Variants in SLC25A48 observed in about 807,000 individuals in gnomAD.
The protein encoded by SLC25A48 is CTC-321K16.1.
Under a neutral mutation model 32.2 loss-of-function variants are expected in SLC25A48, and 29 were observed. The ratio of observed to expected loss-of-function variants is 0.90; its 90% CI spans 0.67 to 1.23. The LOEUF (loss-of-function observed/expected upper bound fraction) is 1.23, where lower values mean the gene tolerates loss of function less well. Ranked by LOEUF, SLC25A48 falls within the 50% of genes most tolerant of loss-of-function variation. The probability of loss-of-function intolerance (pLI) is 0.00; values close to 1 mark genes in which losing one functional copy is unlikely to be tolerated. For synonymous variants in SLC25A48, 164 were observed against 172.3 expected (o/e 0.95, Z 0.38); for missense variants, 399 against 422.7 (o/e 0.94, Z 0.49).
intron 3 of SLC25A48, among the ~76,000 whole-genome samples, chr5:135,694,975 G>A (rs1057141868): frequency 3.3e-5 from 5 of 152,138 alleles, no homozygotes; most frequent in Non-Finnish European, 5.9e-5. Flanking sequence ...AAACATACAG[G>A]CTGGGCATGA....
intron 1 of SLC25A48, among the ~76,000 whole-genome samples, chr5:135,606,479 T>G (rs948127781): frequency 3.9e-5 from 6 of 152,218 alleles, no homozygotes; most frequent in African/African-American, 1.4e-4. Flanking sequence ...GTGACTGTGC[T>G]GTATCTATGG....
intron 4 of SLC25A48, among the ~76,000 whole-genome samples, chr5:135,861,176 T>C (rs1760753776): frequency 6.6e-6 from 1 of 152,210 alleles, no homozygotes; most frequent in African/African-American, 2.4e-5. Context: ...TCATGCTATA[T>C]GGACAATTTC....
chr5:135,633,229 G>T (rs894499534), intron 2 of SLC25A48, among the ~76,000 whole-genome samples: 4 of 152,128 alleles, frequency 2.6e-5, no homozygotes, highest in Admixed American at 1.3e-4. Context: ...AGGTGCCTGG[G>T]CTGGAAGAAC....
intron 4 of SLC25A48, 74 bp from the exon 5 acceptor site, chr5:135,871,387 G>T: frequency 6.7e-7 from 1 of 1,500,980 alleles, no homozygotes; most frequent in East Asian, 2.3e-5. Flanking sequence ...GGGCTGGGCT[G>T]GCTCCAGTGT....
At chr5:135,709,915 C>G (rs1009594819) in intron 3 of SLC25A48, among the ~76,000 whole-genome samples, 2 of 152,180 alleles carry the variant, frequency 1.3e-5, no homozygotes, top group Non-Finnish European at 2.9e-5. Flanking sequence ...AGAATATTAT[C>G]ACCTAGGTCG....
intron 3 of SLC25A48, among the ~76,000 whole-genome samples, chr5:135,695,497 A>C (rs1236840934): frequency 6.6e-6 from 1 of 152,172 alleles, no homozygotes; most frequent in Non-Finnish European, 1.5e-5. Context: ...GGCAGGTTGC[A>C]ATGGGCACAG....
intron 7 of SLC25A48, among the ~76,000 whole-genome samples, chr5:135,882,850 AC>A (rs1762576161): frequency 6.6e-6 from 1 of 152,094 alleles, no homozygotes; most frequent in Non-Finnish European, 1.5e-5. Context: ...TTTCAGGAAA[AC>A]TGATTTTCAA....
intron 3 of SLC25A48, among the ~76,000 whole-genome samples, chr5:135,700,775 G>T (rs1274223325): frequency 6.6e-6 from 1 of 152,190 alleles, no homozygotes; most frequent in Non-Finnish European, 1.5e-5. Context: ...CCTCTGCATG[G>T]CTCCCCATGT....
At chr5:135,712,664 G>A (rs1181755570) in intron 3 of SLC25A48, among the ~76,000 whole-genome samples, 2 of 152,204 alleles carry the variant, frequency 1.3e-5, no homozygotes, top group Non-Finnish European at 2.9e-5. Context: ...CAAAAGATCA[G>A]CTTCCTCCCC....
chr5:135,752,799 G>T (rs1247391024), intron 3 of SLC25A48, among the ~76,000 whole-genome samples: 1 of 152,066 alleles, frequency 6.6e-6, no homozygotes, highest in East Asian at 1.9e-4. Flanking sequence ...TAAACACATG[G>T]TGTACACCCT....
At chr5:135,702,012 A>G (rs529616158) in intron 3 of SLC25A48, among the ~76,000 whole-genome samples, 1 of 152,382 alleles carries the variant, frequency 6.6e-6, no homozygotes, top group South Asian at 2.1e-4. Context: ...GGATGTTTAC[A>G]TATGGATGAG....
intron 3 of SLC25A48, among the ~76,000 whole-genome samples, chr5:135,773,198 G>C (rs545727192): frequency 5.3e-5 from 8 of 151,376 alleles, no homozygotes; most frequent in Non-Finnish European, 1.0e-4. Flanking sequence ...CCCTCCCTGT[G>C]ATATTGTTCT....
intron 1 of SLC25A48, among the ~76,000 whole-genome samples, chr5:135,624,507 T>A (rs1413223259): frequency 6.6e-6 from 1 of 151,828 alleles, no homozygotes; most frequent in Non-Finnish European, 1.5e-5. Context: ...GGTAAATAGA[T>A]GATGGCAGAA....
At chr5:135,795,802 A>G (rs887775156) in intron 3 of SLC25A48, among the ~76,000 whole-genome samples, 2 of 147,768 alleles carry the variant, frequency 1.4e-5, no homozygotes, top group Non-Finnish European at 3.0e-5. Flanking sequence ...CCCCTGTTAC[A>G]TGGTTCATAA....
intron 2 of SLC25A48, 73 bp from the exon 3 acceptor site, chr5:135,850,352 C>T (rs1759745503): frequency 6.7e-7 from 1 of 1,494,708 alleles, no homozygotes; most frequent in Admixed American, 1.7e-5. Context: ...GGGCCTTTCC[C>T]TCTGGGCATC....
chr5:135,652,884 T>G (rs555621849), intron 3 of SLC25A48, among the ~76,000 whole-genome samples: 1 of 152,312 alleles, frequency 6.6e-6, no homozygotes, highest in South Asian at 2.1e-4. Context: ...TCAAAATTCA[T>G]GTATCAGAAA....
At chr5:135,811,701 A>T (rs112443338) in intron 3 of SLC25A48, among the ~76,000 whole-genome samples, 33 of 151,840 alleles carry the variant, frequency 2.2e-4, no homozygotes, top group African/African-American at 7.5e-4. Flanking sequence ...TAAGTAATTT[A>T]AAAAAAAATA....
chr5:135,678,707 TATCC>T (rs778318348), intron 3 of SLC25A48, among the ~76,000 whole-genome samples: 1 of 152,228 alleles, frequency 6.6e-6, no homozygotes, highest in Non-Finnish European at 1.5e-5. Context: ...CCTGAAGTAG[TATCC>T]ATGGTGCTGG....
intron 2 of SLC25A48, among the ~76,000 whole-genome samples, chr5:135,632,540 G>C (rs1410909069): frequency 6.6e-6 from 1 of 152,166 alleles, no homozygotes; most frequent in Non-Finnish European, 1.5e-5. Context: ...GGTGTACAAA[G>C]TCAAGGTTGA....
Sources: allele counts gnomAD v4.1 joint callset (sites outside exome capture counted in the v4.1 genomes callset), GRCh38; gene constraint gnomAD v4.1.1; transcripts MANE v1.5; gene names NCBI Gene and HGNC (gene_info 2026-07-23, HGNC 2026-07-21).